PDE6A: variants seen among roughly 807,000 people sequenced by gnomAD.
The protein encoded by PDE6A is rod cGMP-specific 3',5'-cyclic phosphodiesterase subunit alpha.
Under a neutral mutation model 106.3 loss-of-function variants are expected in PDE6A, and 84 were observed. The observed-to-expected ratio is 0.79, with a 90% CI of 0.66 to 0.95. The LOEUF is 0.95. Ranked by LOEUF, PDE6A falls within the 40% of genes least tolerant of loss-of-function variation. The pLI is 0.00. For missense variants in PDE6A, 1,052 were observed against 1,084.9 expected (o/e 0.97, Z 0.43); for synonymous variants, 394 against 386.6 (o/e 1.02, Z -0.23).
chr5:149,892,998 C>G (rs1752599920), intron 13 of PDE6A, among the ~76,000 whole-genome samples: 1 of 152,182 alleles, frequency 6.6e-6, no homozygotes, highest in African/African-American at 2.4e-5. Context: ...AAGGTGTATG[C>G]CCCTGGTAAG....
chr5:149,869,059 G>A (rs1012394382), intron 17 of PDE6A, among the ~76,000 whole-genome samples: 7 of 152,246 alleles, frequency 4.6e-5, no homozygotes, highest in South Asian at 2.1e-4. Context: ...GCCAGGTGCC[G>A]TGGCTCACGC....
At chr5:149,931,477 A>C (rs570885657) in intron 3 of PDE6A, among the ~76,000 whole-genome samples, 1 of 152,350 alleles carries the variant, frequency 6.6e-6, no homozygotes, top group East Asian at 1.9e-4. Context: ...AACCAAGTAC[A>C]AAACTAAAAT....
At chr5:149,899,009 A>G (rs140392683) in intron 9 of PDE6A, among the ~76,000 whole-genome samples, 180 of 152,188 alleles carry the variant, frequency 1.2e-3, no homozygotes, top group African/African-American at 4.1e-3. Flanking sequence ...GACCACAGAT[A>G]TGCGCTACCA....
intron 13 of PDE6A, among the ~76,000 whole-genome samples, chr5:149,894,617 T>C (rs1372300564): frequency 7.5e-5 from 11 of 147,534 alleles, no homozygotes; most frequent in African/African-American, 2.8e-4. Flanking sequence ...CCATGACCAA[T>C]TGAACTGTTG....
At chr5:149,886,156 A>C in intron 14 of PDE6A, 109 bp downstream of exon 14, 1 of 800,594 alleles carries the variant, frequency 1.2e-6, no homozygotes, top group Admixed American at 1.9e-5. Flanking sequence ...AGGCGGTGGG[A>C]AGCTGTGGAC....
chr5:149,885,183 G>A (rs193300021), intron 14 of PDE6A, among the ~76,000 whole-genome samples: 2 of 152,314 alleles, frequency 1.3e-5, no homozygotes, highest in East Asian at 3.9e-4. Flanking sequence ...ATTCATTTCT[G>A]CATTCAATAA....
intron 13 of PDE6A, among the ~76,000 whole-genome samples, chr5:149,894,468 ATTTAT>A (rs1278986048): frequency 5.9e-5 from 9 of 152,002 alleles, no homozygotes; most frequent in Non-Finnish European, 1.3e-4. Flanking sequence ...ATCTTTATTT[ATTTAT>A]TTTAAGTGGA....
intron 4 of PDE6A, among the ~76,000 whole-genome samples, chr5:149,924,590 G>T (rs941445980): frequency 6.6e-6 from 1 of 152,108 alleles, no homozygotes; most frequent in Non-Finnish European, 1.5e-5. Context: ...AAAACAAAGA[G>T]AGAGGATTCC....
chr5:149,944,680 G>T lies in PDE6A; in HGVS notation c.-7C>A. The T allele has an allele frequency of 6.3e-7, 1 of 1,596,854 alleles. No homozygotes were observed. The highest frequency in any genetic ancestry group is 1.1e-5 in the South Asian group (1 of 89,226). ...CTGCTGTCACCTCGCCCATGGCTGG[G>T]AATCCCACTGGCTACTCTGTAGAAG... On this transcript the variant is annotated 5_prime_UTR_variant, in exon 1 of 22. Transcript: ENST00000255266.
chr5:149,869,849 G>A (rs988275648), intron 17 of PDE6A, among the ~76,000 whole-genome samples: 3 of 152,192 alleles, frequency 2.0e-5, no homozygotes, highest in Non-Finnish European at 4.4e-5. Flanking sequence ...TGGGGAGAGG[G>A]AGGAGTGAGA....
chr5:149,860,987 A>G lies in PDE6A; in HGVS notation c.2507-16T>C, dbSNP rs1348725588. 1 of 1,612,170 alleles carries G rather than the reference A, an allele frequency of 6.2e-7. No homozygotes were observed. The highest frequency in any genetic ancestry group is 2.2e-5 in the East Asian group (1 of 44,846). Reference sequence around the variant, plus strand: ...CCTGCGGCTGCTGCAATGAAACAGGAAAAAGAACACACCAGGTGACAAGAG... The same window carrying G: ...CCTGCGGCTGCTGCAATGAAACAGGGAAAAGAACACACCAGGTGACAAGAG... On this transcript the variant is annotated splice_polypyrimidine_tract_variant and intron_variant, in intron 21 of 21. Coordinates refer to ENST00000255266, the MANE Select transcript of PDE6A (RefSeq NM_000440.3).
intron 3 of PDE6A, among the ~76,000 whole-genome samples, chr5:149,931,543 T>C (rs1754036887): frequency 6.6e-6 from 1 of 152,230 alleles, no homozygotes; most frequent in Non-Finnish European, 1.5e-5. Context: ...GAAATTAATC[T>C]GTACAAGTAC....
intron 8 of PDE6A, 84 bp downstream of exon 8, chr5:149,903,564 G>A (rs1753065701): frequency 1.9e-6 from 2 of 1,028,898 alleles, no homozygotes; most frequent in African/African-American, 1.6e-5. Context: ...TCCCAGCAGA[G>A]TGGGTGGATT....
intron 1 of PDE6A, among the ~76,000 whole-genome samples, chr5:149,935,497 G>A (rs1032287964): frequency 1.3e-5 from 2 of 152,234 alleles, no homozygotes; most frequent in African/African-American, 2.4e-5. Context: ...TGTTAAGCAC[G>A]GGGGATATGG....
intron 18 of PDE6A, 69 bp from the exon 19 acceptor site, chr5:149,867,868 C>A: frequency 6.9e-7 from 1 of 1,444,650 alleles, no homozygotes; most frequent in Non-Finnish European, 9.7e-7. Context: ...CTGCTCCCAC[C>A]CCACTTGCAA....
Position 149,944,591 on chromosome 5 carries a change from T to C in PDE6A, c.83A>G (p.Tyr28Cys). 1 of 1,613,976 alleles carries C rather than the reference T, an allele frequency of 6.2e-7. No homozygotes were observed. The highest frequency in any genetic ancestry group is 8.5e-7 in the Non-Finnish European group (1 of 1,179,998). The change falls in exon 1 of 22, where the codon TAC becomes TGC. Residue 28 changes from tyrosine to cysteine, a missense_variant. By Grantham distance (194) the Tyr-to-Cys change is radical. Transcript: ENST00000255266. ...GFAKQYYNLH[Y>C]RAKLISDLLG... Reference sequence around the variant, plus strand: ...GAGGTCGGAGATGAGCTTGGCCCGGTAGTGGAGGTTGTAGTACTGTTTGGC... The same window carrying C: ...GAGGTCGGAGATGAGCTTGGCCCGGCAGTGGAGGTTGTAGTACTGTTTGGC...
intron 6 of PDE6A, among the ~76,000 whole-genome samples, chr5:149,910,360 A>T (rs73798323): frequency 0.044 from 6,683 of 152,280 alleles, 479 homozygotes; most frequent in African/African-American, 0.15. Flanking sequence ...GGGAGTAATC[A>T]TTGTTGACTA....
chr5:149,899,239 A>G (rs1581181263), intron 9 of PDE6A, 136 bp downstream of exon 9: 1 of 813,744 alleles, frequency 1.2e-6, no homozygotes, highest in East Asian at 2.5e-5. Context: ...GTGAGAGTGA[A>G]GAAAGTGGTT....
intron 8 of PDE6A, among the ~76,000 whole-genome samples, chr5:149,900,185 C>G (rs150118125): frequency 0.12 from 17,794 of 151,300 alleles, 1,071 homozygotes; most frequent in South Asian, 0.18. Flanking sequence ...AAAACCCTGT[C>G]TCTACTAAAA....
Sources: allele counts gnomAD v4.1 joint callset (sites outside exome capture counted in the v4.1 genomes callset), GRCh38; gene constraint gnomAD v4.1.1; transcripts MANE v1.5; gene names NCBI Gene and HGNC (gene_info 2026-07-23, HGNC 2026-07-21).